SPATC1: variants seen among roughly 807,000 people sequenced by gnomAD.
SPATC1 encodes the protein spermatogenesis and centriole associated 1.
In SPATC1, 35 loss-of-function variants were observed where a neutral mutation model predicts 36.5. That is an observed-to-expected ratio of 0.96 (90% CI 0.73 to 1.27). SPATC1 has a LOEUF of 1.27. Ranked by LOEUF, SPATC1 falls within the 50% of genes most tolerant of loss-of-function variation. SPATC1 has a pLI of 0.00. For missense variants in SPATC1, 779 were observed against 796.0 expected (o/e 0.98, Z 0.26); for synonymous variants, 361 against 353.6 (o/e 1.02, Z -0.24).
At chr8:144,017,224 T>C (rs1342553046) in intron 1 of SPATC1, among the ~76,000 whole-genome samples, 1 of 152,200 alleles carries the variant, frequency 6.6e-6, no homozygotes, top group African/African-American at 2.4e-5. Flanking sequence ...GGCAGATCTC[T>C]ATAGTTGCCT....
rs1453368828 is a variant in SPATC1 at position 144,015,430 on chromosome 8, T to C, written c.211+2704T>C. Among the ~76,000 whole-genome samples the C allele has an allele frequency of 2.0e-5, 3 of 149,740 alleles. No individual in the cohort carries two copies. In the South Asian group the frequency reaches 6.2e-4, roughly 31 times the overall value. ...TTTTAAAAAATAAAACATCTATATA[T>C]TTAAAAAAAAAAGAAAGAAAGAAAA... On this transcript the variant is annotated intron_variant, in intron 1 of 4. Coordinates refer to ENST00000377470, the MANE Select transcript of SPATC1 (RefSeq NM_198572.3).
intron 4 of SPATC1, among the ~76,000 whole-genome samples, chr8:144,042,294 TATATATATATATATA>T (rs1835125992): frequency 1.9e-5 from 1 of 53,516 alleles, no homozygotes; most frequent in African/African-American, 1.2e-4. Flanking sequence ...AATATATATA[TATATATATATATATA>T]TATTTTTTTT....
chr8:144,025,676 C>T (rs1024498988), intron 1 of SPATC1, among the ~76,000 whole-genome samples: 11 of 152,174 alleles, frequency 7.2e-5, no homozygotes, highest in African/African-American at 2.2e-4. Context: ...CAGTCATGAA[C>T]CCAAAGGTAC....
chr8:144,020,881 CCCCTCTTCCCTCAGGA>C (rs1411519931), intron 1 of SPATC1, among the ~76,000 whole-genome samples: 27 of 40,768 alleles, frequency 6.6e-4, no homozygotes, highest in Non-Finnish European at 1.2e-3. Flanking sequence ...TTCCCTCAGA[CCCCTCTTCCCTCAGGA>C]CCCTCTTCCC....
upstream of SPATC1, among the ~76,000 whole-genome samples, chr8:144,012,244 T>G (rs553708730): frequency 5.0e-4 from 76 of 152,278 alleles, no homozygotes; most frequent in African/African-American, 1.8e-3. Context: ...AGAGGCACCA[T>G]GAGGGTGAAG....
chr8:144,019,190 A>T (rs1834454588), intron 1 of SPATC1, among the ~76,000 whole-genome samples: 1 of 152,156 alleles, frequency 6.6e-6, no homozygotes, highest in Admixed American at 6.5e-5. Context: ...CTCCAGCAGC[A>T]TTTGGCAGCC....
intron 1 of SPATC1, among the ~76,000 whole-genome samples, chr8:144,025,618 A>G (rs1232043159): frequency 6.6e-6 from 1 of 152,178 alleles, no homozygotes; most frequent in African/African-American, 2.4e-5. Context: ...ACAAGCTAAC[A>G]GTGGGTGTCT....
At position 144,040,103 on chromosome 8, in the gene SPATC1, C is replaced by G; in HGVS notation, c.406C>G (p.Pro136Ala). The change falls in exon 2 of 5, where the codon CCC (proline) becomes GCC (alanine). Residue 136 changes from proline (P) to alanine (A), a missense_variant. Coordinates refer to ENST00000377470, the MANE Select transcript of SPATC1 (RefSeq NM_198572.3). Reference protein sequence around the residue: ...SGPAPTSQSSPLTSFLTSPIA... With the variant: ...SGPAPTSQSSALTSFLTSPIA... ...CCCAGCACCCACGTCACAGAGCAGC[C>G]CCCTCACCAGCTTCCTGACCAGTCC... 1 of 1,611,492 alleles carries G rather than the reference C, an allele frequency of 6.2e-7. No homozygotes were observed. Among genetic ancestry groups the G allele is most frequent in the South Asian group, 1.1e-5 (1 of 91,042 alleles).
At chr8:144,042,364 G>C (rs1835138739) in intron 4 of SPATC1, among the ~76,000 whole-genome samples, 1 of 126,030 alleles carries the variant, frequency 7.9e-6, no homozygotes, top group South Asian at 2.7e-4. Context: ...TTGTCGCCCA[G>C]GCTGGAGTGC....
intron 1 of SPATC1, among the ~76,000 whole-genome samples, chr8:144,020,572 A>C (rs1394144798): frequency 5.9e-3 from 772 of 129,938 alleles, no homozygotes; most frequent in African/African-American, 9.0e-3. Context: ...CTCTCCCCTC[A>C]GGACCTTCTC....
intron 4 of SPATC1, among the ~76,000 whole-genome samples, chr8:144,042,304 TATATA>T (rs1205472994): frequency 4.4e-5 from 3 of 68,442 alleles, no homozygotes; most frequent in East Asian, 3.8e-4. Context: ...TATATATATA[TATATA>T]TATTTTTTTT....
intron 1 of SPATC1, among the ~76,000 whole-genome samples, chr8:144,039,117 AGTG>A (rs1278705967): frequency 1.3e-5 from 2 of 152,208 alleles, no homozygotes; most frequent in African/African-American, 4.8e-5. Context: ...TAACAACAAA[AGTG>A]GAAGTTCTCA....
Position 144,046,735 on chromosome 8 carries a change from C to T in SPATC1, c.1555C>T (p.Arg519Trp), listed in dbSNP as rs782548582. The T allele has an allele frequency of 2.9e-5, 46 of 1,612,174 alleles. No homozygotes were observed. The highest frequency in any genetic ancestry group is 4.0e-5 in the African/African-American group (3 of 74,922). The change falls in exon 5 of 5, where the codon CGG (arginine) becomes TGG (tryptophan). Residue 519 changes from arginine to tryptophan, a missense_variant. Transcript: ENST00000377470. The surrounding 1 kb of genome is among the most constrained non-coding windows in gnomAD (Gnocchi z 6.6). ...NRLQSLGYNGRVHPALTEQLV... is the reference protein window; with the variant it reads ...NRLQSLGYNGWVHPALTEQLV... ...GCTGCAGAGTCTGGGCTACAACGGG[C>T]GGGTGCACCCTGCGCTGACCGAGCA...
intron 1 of SPATC1, among the ~76,000 whole-genome samples, chr8:144,025,788 T>C (rs1834665765): frequency 1.3e-5 from 2 of 152,152 alleles, no homozygotes; most frequent in Non-Finnish European, 2.9e-5. Flanking sequence ...GCAGGGCATA[T>C]GCTCCTCATG....
rs1223421649 is a variant in SPATC1 at position 144,022,672 on chromosome 8, C to T, written c.211+9946C>T. On this transcript the variant is annotated intron_variant, in intron 1 of 4. Coordinates refer to ENST00000377470, the MANE Select transcript of SPATC1 (RefSeq NM_198572.3). ...CTCCCCTCAGGACCTTCTCCTCTCA[C>T]GACCCTCTCTCCTCAGGACTGCCTT... Among the ~76,000 whole-genome samples, 191 of 141,774 alleles carry T rather than the reference C, an allele frequency of 1.3e-3. 2 individuals carry two copies. The highest frequency in any genetic ancestry group is 4.8e-3 in the African/African-American group (182 of 37,740). 93.0% of individuals were successfully genotyped at this position (141,774 alleles called of 152,430 possible).
chr8:144,017,035 G>A (rs577709844), intron 1 of SPATC1, among the ~76,000 whole-genome samples: 2 of 152,346 alleles, frequency 1.3e-5, no homozygotes, highest in East Asian at 3.9e-4. Flanking sequence ...AGAGTAGACT[G>A]AGACAGGGAG....
chr8:144,027,522 A>G (rs1003386212), intron 1 of SPATC1, among the ~76,000 whole-genome samples: 1 of 152,194 alleles, frequency 6.6e-6, no homozygotes, highest in Non-Finnish European at 1.5e-5. Flanking sequence ...CCACTGCCAA[A>G]TCCAAGGTCA....
At position 144,041,003 on chromosome 8, in the gene SPATC1, A is replaced by G. The variant is rs1554755902; in HGVS notation, c.1202A>G (p.Asp401Gly). Residue 401 changes from aspartate (D) to glycine (G), a missense_variant, in exon 3 of 5, where the codon GAC becomes GGC. Asp to Gly is a moderately conservative substitution (Grantham distance 94, BLOSUM62 -1). Coordinates refer to ENST00000377470, the MANE Select transcript of SPATC1 (RefSeq NM_198572.3). ...TCATCCTCCCCGGCTTCAGTCAATG[A>G]CTCTCGAGGTCCACGCACCACAGAA... ...RTSSSPASVNDSRGPRTTEPS... is the reference protein window; with the variant it reads ...RTSSSPASVNGSRGPRTTEPS... The G allele has an allele frequency of 1.9e-6, 3 of 1,610,676 alleles. No homozygotes were observed. Among genetic ancestry groups the G allele is most frequent in the East Asian group, 2.2e-5 (1 of 44,822 alleles).
At chr8:144,043,296 T>G (rs1485352261) in intron 4 of SPATC1, among the ~76,000 whole-genome samples, 1 of 148,478 alleles carries the variant, frequency 6.7e-6, no homozygotes, top group African/African-American at 2.6e-5. Flanking sequence ...TGCCCAGCCT[T>G]ACATTTTTTT....
Sources: allele counts gnomAD v4.1 joint callset (sites outside exome capture counted in the v4.1 genomes callset), GRCh38; gene constraint gnomAD v4.1.1; non-coding constraint Gnocchi (gnomAD v3.1); transcripts MANE v1.5; gene names NCBI Gene and HGNC (gene_info 2026-07-23, HGNC 2026-07-21).